The following ZNF532 variants were observed in gnomAD, a reference collection of about 807,000 sequenced individuals.
The protein encoded by ZNF532 is zinc finger protein 532.
A neutral mutation model predicts 89.3 loss-of-function variants in ZNF532; 22 were observed. The observed-to-expected ratio is 0.25, with a 90% CI of 0.18 to 0.35. The LOEUF (loss-of-function observed/expected upper bound fraction) is 0.35, where lower values mean the gene tolerates loss of function less well. Among genes scored for constraint, ZNF532 ranks in the 10% least tolerant of loss-of-function variants. The pLI is 1.00. For missense variants in ZNF532, 1,132 were observed against 1,643.4 expected (o/e 0.69, Z 5.38); for synonymous variants, 606 against 649.6 (o/e 0.93, Z 1.02).
At position 58,962,764 on chromosome 18, in the gene ZNF532, G is replaced by A. The variant is rs554911446; in HGVS notation, c.3150+8965G>A. On this transcript the variant is annotated intron_variant, in intron 7 of 9. Coordinates refer to ENST00000591808, the MANE Select transcript of ZNF532 (RefSeq NM_001375912.1). The stretch of plus-strand genomic sequence containing the variant: ...CTACAGGCGCCCACCACCACGCCCG[G>A]CTAATTTTTTGTATTTTTAGTAGAG... 4.6e-5 allele frequency among the ~76,000 whole-genome samples: 7 copies of A among 152,238 alleles called. No homozygotes were observed. The East Asian group carries it at 1.4e-3, about 29-fold the overall frequency.
rs1469721962 is a variant in ZNF532 at position 58,942,341 on chromosome 18, CCCTCCCTCCCTTCCTTCCTT to C, written c.2705+2724_2705+2743del. ...CTGGCCCCTCCCTCCCTCCCTCCCT[CCCTCCCTCCCTTCCTTCCTT>C]CCTTCCTTCCTTCCTTCCTTCCTTC... is the stretch of plus-strand genomic sequence containing the variant. On this transcript the variant is annotated intron_variant, in intron 5 of 9. Coordinates refer to ENST00000591808, the MANE Select transcript of ZNF532 (RefSeq NM_001375912.1). Among the ~76,000 whole-genome samples the C allele has an allele frequency of 4.0e-4, 29 of 71,660 alleles. 2 individuals are homozygous for C. The highest frequency in any genetic ancestry group is 1.5e-3 in the African/African-American group (22 of 15,114). The allele number at this position is 71,660 out of a possible 152,430, so 47.0% of individuals were successfully genotyped here.
At chr18:58,910,073 C>A (rs1602983697) in intron 2 of ZNF532, among the ~76,000 whole-genome samples, 1 of 151,244 alleles carries the variant, frequency 6.6e-6, no homozygotes, top group African/African-American at 2.4e-5. Flanking sequence ...CCTGTCTCTA[C>A]AAAAAAAAGA....
intron 2 of ZNF532, among the ~76,000 whole-genome samples, chr18:58,907,372 G>A (rs778712599): frequency 6.6e-6 from 1 of 152,116 alleles, no homozygotes; most frequent in Non-Finnish European, 1.5e-5. Flanking sequence ...TTTTAGTAGA[G>A]ATGGGGTTTT....
chr18:58,909,610 G>A (rs1269726397), intron 2 of ZNF532, among the ~76,000 whole-genome samples: 2 of 152,158 alleles, frequency 1.3e-5, no homozygotes, highest in African/African-American at 4.8e-5. Context: ...TGGGGTCCAC[G>A]AGAGGAAAGG....
At chr18:58,943,326 A>AT (rs1340493620) in intron 5 of ZNF532, among the ~76,000 whole-genome samples, 2 of 150,306 alleles carry the variant, frequency 1.3e-5, no homozygotes, top group African/African-American at 4.9e-5. Flanking sequence ...CGCCTGGCTA[A>AT]TTTTTTTGTA....
chr18:58,902,152 G>T (rs1311564384), intron 2 of ZNF532, among the ~76,000 whole-genome samples: 1 of 152,152 alleles, frequency 6.6e-6, no homozygotes, highest in African/African-American at 2.4e-5. Context: ...TCTCTGTGGG[G>T]CCTGGTCTGT....
At chr18:58,901,661 A>G (rs1482653315) in intron 2 of ZNF532, among the ~76,000 whole-genome samples, 1 of 152,192 alleles carries the variant, frequency 6.6e-6, no homozygotes, top group African/African-American at 2.4e-5. Context: ...CAAGCAGACA[A>G]CAGTACCTAT....
chr18:58,909,962 G>T (rs931521751), intron 2 of ZNF532, among the ~76,000 whole-genome samples: 1 of 152,096 alleles, frequency 6.6e-6, no homozygotes, highest in African/African-American at 2.4e-5. Context: ...GTTTTGGCTG[G>T]GTACAGTGGC....
chr18:58,944,375 TCTC>T (rs370755979), intron 5 of ZNF532, among the ~76,000 whole-genome samples: 134 of 152,110 alleles, frequency 8.8e-4, no homozygotes, highest in African/African-American at 3.0e-3. Flanking sequence ...TCTTCCTTCT[TCTC>T]CTTCCCGTAC....
intron 2 of ZNF532, among the ~76,000 whole-genome samples, chr18:58,871,392 A>G (rs1392758006): frequency 1.3e-5 from 2 of 152,132 alleles, no homozygotes; most frequent in African/African-American, 2.4e-5. Flanking sequence ...CGCAGCAGCT[A>G]TTATGTTACC....
chr18:58,887,364 G>T (rs575896883), intron 2 of ZNF532, among the ~76,000 whole-genome samples: 1 of 152,206 alleles, frequency 6.6e-6, no homozygotes, highest in Non-Finnish European at 1.5e-5. Context: ...TATTTTTGGA[G>T]GCTTTATATA....
chr18:58,965,914 A>G (rs1283524687), intron 7 of ZNF532, among the ~76,000 whole-genome samples: 2 of 152,184 alleles, frequency 1.3e-5, no homozygotes, highest in Non-Finnish European at 2.9e-5. Flanking sequence ...AGAAATGCAC[A>G]AGAGAGAGGC....
At chr18:58,942,013 T>G (rs1433157179) in intron 5 of ZNF532, among the ~76,000 whole-genome samples, 1 of 140,502 alleles carries the variant, frequency 7.1e-6, no homozygotes, top group East Asian at 2.3e-4. Context: ...CCTTCTTTCT[T>G]TTCTTTTCTT....
At position 58,919,183 on chromosome 18, in the gene ZNF532, C is replaced by T. The variant is rs374272302; in HGVS notation, c.896C>T (p.Pro299Leu). 35 of 1,614,030 alleles carry T rather than the reference C, an allele frequency of 2.2e-5. No homozygotes were observed. The highest frequency in any genetic ancestry group is 2.8e-5 in the Non-Finnish European group (33 of 1,180,026). ...EPVANSRESS[P>L]LPKEVNDSPR... ...GTGGCCAATTCGAGGGAATCCTCCC[C>T]GTTACCAAAAGAAGTAAATGACAGT... The change falls in exon 3 of 10, where the codon CCG (proline) becomes CTG (leucine). Residue 299 changes from proline to leucine, a missense_variant. Around this residue, in one of 9 missense-constraint regions of ZNF532, gnomAD observed 124 missense variants for 191.6 expected, o/e 0.65. Transcript: ENST00000591808. The surrounding 1 kb of genome is among the most constrained non-coding windows in gnomAD (Gnocchi z 6.1).
intron 4 of ZNF532, among the ~76,000 whole-genome samples, chr18:58,936,191 A>T (rs1355006261): frequency 1.3e-5 from 2 of 152,336 alleles, no homozygotes; most frequent in Non-Finnish European, 2.9e-5. Flanking sequence ...AAATTGGTGC[A>T]TTGTCTGCCT....
At chr18:58,964,173 G>T (rs1199304766) in intron 7 of ZNF532, 2 of 152,100 alleles carry the variant, frequency 1.3e-5, no homozygotes, top group African/African-American at 4.8e-5. Context: ...GGATATAATA[G>T]ATTTTTATCC....
At chr18:58,972,797 C>G (rs1386716318) in intron 7 of ZNF532, among the ~76,000 whole-genome samples, 1 of 152,230 alleles carries the variant, frequency 6.6e-6, no homozygotes, top group Non-Finnish European at 1.5e-5. Context: ...AAGCAGAGTT[C>G]CTCTGTGTCC....
At chr18:58,897,133 T>TG (rs921490035) in intron 2 of ZNF532, among the ~76,000 whole-genome samples, 1 of 150,802 alleles carries the variant, frequency 6.6e-6, no homozygotes, top group African/African-American at 2.4e-5. Flanking sequence ...TTAGCAGGGG[T>TG]GGGGGGGATT....
intron 2 of ZNF532, among the ~76,000 whole-genome samples, chr18:58,878,248 C>CT (rs1383582007): frequency 6.7e-6 from 1 of 148,992 alleles, no homozygotes; most frequent in Non-Finnish European, 1.5e-5. Context: ...GAGCAAGACT[C>CT]CATCTCAAAA....
Sources: gnomAD v4.1 joint callset for allele counts (sites outside exome capture counted in the v4.1 genomes callset) on GRCh38, gnomAD v4.1.1 for gene constraint, gnomAD v4.1.1 regional missense constraint, Gnocchi (gnomAD v3.1) non-coding constraint, MANE v1.5 for transcripts, NCBI Gene and HGNC (gene_info 2026-07-23, HGNC 2026-07-21) for gene names.